SNX24: variants seen among roughly 807,000 people sequenced by gnomAD.
The protein encoded by SNX24 is sorting nexin-24.
Under a neutral mutation model 28.7 loss-of-function variants are expected in SNX24, and 22 were observed. That is an observed-to-expected ratio of 0.77 (90% CI 0.55 to 1.10). SNX24 has a LOEUF of 1.10. SNX24 is among the 50% of genes least tolerant of loss of function. The pLI is 0.00. For synonymous variants in SNX24, 69 were observed against 71.5 expected (o/e 0.96, Z 0.18); for missense variants, 221 against 201.1 (o/e 1.10, Z -0.60).
chr5:122,932,858 C>CAAAAAACAAAAAAAAAAA (rs1759018494), intron 1 of SNX24, among the ~76,000 whole-genome samples: 2 of 87,982 alleles, frequency 2.3e-5, no homozygotes, highest in Non-Finnish European at 2.2e-5. Context: ...GACTCTGTCT[C>CAAAAAACAAAAAAAAAAA]AAAAAAAAAA....
intron 1 of SNX24, among the ~76,000 whole-genome samples, chr5:122,859,254 T>G (rs1755342825): frequency 6.6e-6 from 1 of 151,990 alleles, no homozygotes; most frequent in Non-Finnish European, 1.5e-5. Flanking sequence ...AAAGCAGACT[T>G]GAGCCCAGGA....
intron 3 of SNX24, among the ~76,000 whole-genome samples, chr5:122,979,117 A>G (rs1391038022): frequency 2.0e-5 from 3 of 152,266 alleles, no homozygotes; most frequent in African/African-American, 7.2e-5. Context: ...TAGTACCCCC[A>G]CCATTTGCCC....
chr5:122,967,030 T>TA (rs1156336127), intron 3 of SNX24, among the ~76,000 whole-genome samples: 9 of 152,204 alleles, frequency 5.9e-5, no homozygotes, highest in African/African-American at 1.9e-4. Context: ...TCTCACTGAC[T>TA]AAAACCATGA....
chr5:122,867,877 C>T lies in SNX24; in HGVS notation c.60+22184C>T, dbSNP rs544397312. ...GTATTCCTTCCAAGTCCCTGACCAT[C>T]CATTCAGACCATTGGCCACAGCCCC... is the stretch of plus-strand genomic sequence containing the variant. On this transcript the variant is annotated intron_variant, in intron 1 of 6. Coordinates refer to ENST00000261369, the MANE Select transcript of SNX24 (RefSeq NM_014035.4). Among the ~76,000 whole-genome samples the T allele has an allele frequency of 2.8e-4, 43 of 152,324 alleles. 1 individual carries two copies. Among genetic ancestry groups the T allele is most frequent in the African/African-American group, 9.6e-4 (40 of 41,588 alleles).
At chr5:122,854,246 C>T (rs1032507388) in intron 1 of SNX24, among the ~76,000 whole-genome samples, 4 of 152,054 alleles carry the variant, frequency 2.6e-5, no homozygotes, top group African/African-American at 4.8e-5. Flanking sequence ...CAGTAGCTCA[C>T]GCCTGTAGTC....
chr5:122,958,692 CT>C (rs1246478795), intron 3 of SNX24, among the ~76,000 whole-genome samples: 1 of 148,808 alleles, frequency 6.7e-6, no homozygotes, highest in African/African-American at 2.5e-5. Flanking sequence ...CTTGGTCATA[CT>C]TTATAGTCTT....
intron 1 of SNX24, among the ~76,000 whole-genome samples, chr5:122,869,270 G>A (rs907813657): frequency 1.3e-5 from 2 of 152,168 alleles, no homozygotes; most frequent in Middle Eastern, 3.2e-3. Context: ...GCTGTTTATG[G>A]AGGCTGTCCT....
At chr5:122,919,169 C>G (rs1233107003) in intron 1 of SNX24, among the ~76,000 whole-genome samples, 2 of 152,222 alleles carry the variant, frequency 1.3e-5, no homozygotes, top group African/African-American at 4.8e-5. Context: ...ATATTGACAA[C>G]ACTTCAAGTT....
intron 1 of SNX24, among the ~76,000 whole-genome samples, chr5:122,932,858 CAAAAAAAAA>C (rs57930558): frequency 0.012 from 1,031 of 87,972 alleles, 17 homozygotes; most frequent in African/African-American, 0.046. Context: ...GACTCTGTCT[CAAAAAAAAA>C]AAAAAAAAAA....
chr5:122,889,099 C>G (rs1023929097), intron 1 of SNX24, among the ~76,000 whole-genome samples: 2 of 152,148 alleles, frequency 1.3e-5, no homozygotes, highest in Non-Finnish European at 2.9e-5. Flanking sequence ...TTGATCTGCC[C>G]GCCTTGGCCT....
intron 5 of SNX24, among the ~76,000 whole-genome samples, chr5:123,017,863 A>G (rs1194578509): frequency 2.6e-5 from 4 of 152,114 alleles, no homozygotes; most frequent in Non-Finnish European, 5.9e-5. Flanking sequence ...TCCATTAAAC[A>G]TCTTTCTTTT....
chr5:122,854,116 C>T (rs183228995), intron 1 of SNX24, among the ~76,000 whole-genome samples: 17 of 152,058 alleles, frequency 1.1e-4, no homozygotes, highest in Non-Finnish European at 1.2e-4. Flanking sequence ...ATGAGGCTGT[C>T]CCCAGCACTA....
chr5:122,856,525 CT>C (rs1184957460), intron 1 of SNX24, among the ~76,000 whole-genome samples: 166 of 131,540 alleles, frequency 1.3e-3, no homozygotes, highest in Admixed American at 1.5e-3. Flanking sequence ...AGTTCTGTGT[CT>C]TTTTTTTTTT....
At chr5:122,958,278 A>T (rs1254052071) in intron 3 of SNX24, among the ~76,000 whole-genome samples, 4 of 151,416 alleles carry the variant, frequency 2.6e-5, no homozygotes, top group African/African-American at 9.7e-5. Context: ...TTTGAGACAG[A>T]GTTTCACTCT....
At chr5:122,868,187 T>C (rs1050784626) in intron 1 of SNX24, among the ~76,000 whole-genome samples, 1 of 152,198 alleles carries the variant, frequency 6.6e-6, no homozygotes, top group Non-Finnish European at 1.5e-5. Flanking sequence ...TTAGGGACTA[T>C]GGCATGTGGG....
At chr5:122,854,371 G>C (rs546878577) in intron 1 of SNX24, among the ~76,000 whole-genome samples, 1 of 151,988 alleles carries the variant, frequency 6.6e-6, no homozygotes, top group South Asian at 2.1e-4. Context: ...AGCTGGGCGT[G>C]GTGGCGGGTG....
chr5:122,883,454 T>C (rs1383066480), intron 1 of SNX24, among the ~76,000 whole-genome samples: 1 of 152,208 alleles, frequency 6.6e-6, no homozygotes, highest in Non-Finnish European at 1.5e-5. Flanking sequence ...TAGATACTAT[T>C]ACCATTACAT....
intron 1 of SNX24, among the ~76,000 whole-genome samples, chr5:122,848,680 G>T (rs1754761474): frequency 6.6e-6 from 1 of 151,622 alleles, no homozygotes; most frequent in Non-Finnish European, 1.5e-5. Flanking sequence ...CTGCACTCCA[G>T]TCTAGGTGAC....
intron 1 of SNX24, among the ~76,000 whole-genome samples, chr5:122,926,783 C>T (rs1217591107): frequency 6.6e-6 from 1 of 152,124 alleles, no homozygotes; most frequent in Non-Finnish European, 1.5e-5. Flanking sequence ...GTCAGGGTTC[C>T]ACTGGACCGT....
Sources: allele counts gnomAD v4.1 joint callset (sites outside exome capture counted in the v4.1 genomes callset), GRCh38; gene constraint gnomAD v4.1.1; transcripts MANE v1.5; gene names NCBI Gene and HGNC (gene_info 2026-07-23, HGNC 2026-07-21).